The following MRRF variants were observed in gnomAD, a reference collection of about 807,000 sequenced individuals.
MRRF encodes ribosome-recycling factor, mitochondrial.
Under a neutral mutation model 25.1 loss-of-function variants are expected in MRRF, and 18 were observed. That is an observed-to-expected ratio of 0.72 (90% confidence interval 0.50 to 1.06). MRRF has a LOEUF of 1.06. MRRF is among the 50% of genes least tolerant of loss of function. MRRF has a pLI of 0.00. For synonymous variants in MRRF, 113 were observed against 112.1 expected (o/e 1.01, Z -0.05); for missense variants, 323 against 319.3 (o/e 1.01, Z -0.09).
chr9:122,305,410 CAAAAA>C (rs371802454), intron 5 of MRRF, among the ~76,000 whole-genome samples: 2 of 65,756 alleles, frequency 3.0e-5, no homozygotes, highest in East Asian at 4.9e-4. Context: ...AGACTCATCT[CAAAAA>C]AAAAAAAAAA....
rs1836152415 is a variant in MRRF, at chr9:122,326,686, A to G, written c.*4069A>G. The G allele has an allele frequency of 6.6e-6, 1 of 152,132 alleles. No individual in the cohort carries two copies. Among genetic ancestry groups the G allele is most frequent in the Non-Finnish European group, 1.5e-5 (1 of 68,008 alleles). The allele number at this position is 152,132 out of a possible 1,614,324, so 9.4% of individuals were successfully genotyped here. A position where few individuals can be genotyped will look rare whatever the true frequency, so the allele number is the denominator to read the frequency against. ...AAAGAAAGGCCCCTATTCTAAGATT[A>G]TCTGATAAGGTCTGCTCTTTCTCCT... On this transcript the variant is annotated 3_prime_UTR_variant, in exon 7 of 7. Coordinates refer to ENST00000344641, the MANE Select transcript of MRRF (RefSeq NM_138777.5).
chr9:122,289,380 G>GC (rs1449697965), intron 4 of MRRF, among the ~76,000 whole-genome samples: 2 of 152,166 alleles, frequency 1.3e-5, no homozygotes, highest in African/African-American at 4.8e-5. Context: ...CATAGTTCCT[G>GC]CCCAGCTTGG....
At chr9:122,265,688 G>A in intron 1 of MRRF, 1 of 1,086,924 alleles carries the variant, frequency 9.2e-7, no homozygotes, top group Middle Eastern at 2.3e-4. Flanking sequence ...AAATCACTTG[G>A]TACAAGTCAC....
rs116049164 is a variant in MRRF, at chr9:122,296,290, G to T, written c.551+4450G>T. ...TTAGATAAGTTAGTCAACTGGATTG[G>T]TTTTTTTGGGACATTCCTGTTAATG... On this transcript the variant is annotated intron_variant, in intron 5 of 6. Coordinates refer to ENST00000344641, the MANE Select transcript of MRRF (RefSeq NM_138777.5). Among the ~76,000 whole-genome samples the T allele has an allele frequency of 7.7e-3, 1,170 of 152,198 alleles. 10 individuals are homozygous for T. Among genetic ancestry groups the T allele is most frequent in the African/African-American group, 0.027 (1,128 of 41,532 alleles).
intron 6 of MRRF, among the ~76,000 whole-genome samples, chr9:122,316,696 T>C (rs934811734): frequency 6.6e-6 from 1 of 152,068 alleles, no homozygotes; most frequent in Non-Finnish European, 1.5e-5. Flanking sequence ...GTTTTAAAAT[T>C]TTGTTTACTT....
At chr9:122,270,236 G>T (rs1832365842) in intron 1 of MRRF, among the ~76,000 whole-genome samples, 3 of 152,230 alleles carry the variant, frequency 2.0e-5, no homozygotes, top group Non-Finnish European at 4.4e-5. Flanking sequence ...CATGGTCAAA[G>T]ACCTCAGATG....
At chr9:122,299,340 C>G (rs1347983619) in intron 5 of MRRF, among the ~76,000 whole-genome samples, 1 of 151,840 alleles carries the variant, frequency 6.6e-6, no homozygotes, top group African/African-American at 2.4e-5. Flanking sequence ...GTCTCGAACT[C>G]CTGACCTCAA....
chr9:122,306,682 A>AT (rs1834868820), intron 5 of MRRF, among the ~76,000 whole-genome samples: 3 of 152,160 alleles, frequency 2.0e-5, no homozygotes, highest in Admixed American at 2.0e-4. Context: ...GCTTTTTCGC[A>AT]TGTATGATGG....
chr9:122,305,649 G>A (rs1489248266), intron 5 of MRRF, among the ~76,000 whole-genome samples: 2 of 152,188 alleles, frequency 1.3e-5, no homozygotes, highest in African/African-American at 4.8e-5. Flanking sequence ...GGGGTCAGGT[G>A]GCTGGGCAAA....
At chr9:122,302,319 C>T (rs147531234) in intron 5 of MRRF, among the ~76,000 whole-genome samples, 153 of 152,294 alleles carry the variant, frequency 1.0e-3, no homozygotes, top group South Asian at 3.1e-3. Context: ...CAAAAAGACA[C>T]TCTACCCACC....
chr9:122,295,913 CA>C (rs1481482707), intron 5 of MRRF, among the ~76,000 whole-genome samples: 2 of 152,194 alleles, frequency 1.3e-5, no homozygotes, highest in Non-Finnish European at 2.9e-5. Context: ...AAGCAGATCT[CA>C]CCTATTACCT....
At position 122,328,558 on chromosome 9, in the gene MRRF, CCTTT is replaced by C. The variant is rs919953597; in HGVS notation, c.*5944_*5947del. The C allele has an allele frequency of 3.9e-5, 6 of 152,128 alleles. No homozygotes were observed. The highest frequency in any genetic ancestry group is 1.4e-4 in the African/African-American group (6 of 41,422). 9.4% of individuals were successfully genotyped at this position (152,128 alleles called of 1,614,324 possible). A position where few individuals can be genotyped will look rare whatever the true frequency, so the allele number is the denominator to read the frequency against. ...CATATTGTAGCATGTATCAGAATTT[CCTTT>C]CTAAGGCTGAGTAATCTGTTGTATA... On this transcript the variant is annotated 3_prime_UTR_variant, in exon 7 of 7. Coordinates refer to ENST00000344641, the MANE Select transcript of MRRF (RefSeq NM_138777.5).
At chr9:122,278,907 T>G (rs1055868339) in intron 2 of MRRF, among the ~76,000 whole-genome samples, 1 of 152,280 alleles carries the variant, frequency 6.6e-6, no homozygotes, top group Middle Eastern at 3.4e-3. Context: ...TTCTTTGATC[T>G]GTCGCCCAGG....
At position 122,291,777 on chromosome 9, in the gene MRRF, G is replaced by T. The variant is rs767008991; in HGVS notation, c.488G>T (p.Arg163Ile). The change falls in exon 5 of 7, where the codon AGA (arginine) becomes ATA (isoleucine). Residue 163 changes from arginine to isoleucine, a missense_variant. Coordinates refer to ENST00000344641, the MANE Select transcript of MRRF (RefSeq NM_138777.5). ...ECTAAAIKAI[R>I]ESGMNLNPEV... The stretch of plus-strand genomic sequence containing the variant: ...ACAGCTGCAGCTATCAAGGCTATAA[G>T]AGAAAGTGGAATGAATCTGAACCCA... 3 of 1,613,686 alleles carry T rather than the reference G, an allele frequency of 1.9e-6. No individual in the cohort carries two copies. Among genetic ancestry groups the T allele is most frequent in the Non-Finnish European group, 2.5e-6 (3 of 1,179,678 alleles).
chr9:122,301,981 T>A (rs983443378), intron 5 of MRRF, among the ~76,000 whole-genome samples: 1 of 151,740 alleles, frequency 6.6e-6, no homozygotes, highest in African/African-American at 2.4e-5. Flanking sequence ...TGGCCTCACG[T>A]GATCCACCTG....
chr9:122,272,796 A>G (rs529104750), intron 2 of MRRF, among the ~76,000 whole-genome samples: 20 of 152,256 alleles, frequency 1.3e-4, no homozygotes, highest in Non-Finnish European at 2.4e-4. Flanking sequence ...ATACCCGTCT[A>G]TTGCAAGGTA....
chr9:122,271,615 A>G (rs994017037), intron 2 of MRRF, among the ~76,000 whole-genome samples: 3 of 152,168 alleles, frequency 2.0e-5, no homozygotes, highest in Non-Finnish European at 4.4e-5. Context: ...TGTTGCCTGC[A>G]CTCGTGCATT....
At chr9:122,286,416 T>C (rs1264132545) in intron 4 of MRRF, among the ~76,000 whole-genome samples, 2 of 152,134 alleles carry the variant, frequency 1.3e-5, no homozygotes, top group Non-Finnish European at 2.9e-5. Context: ...TTGAAAAATA[T>C]ATATTGTGCC....
At chr9:122,285,707 C>G in intron 4 of MRRF, 1 of 1,171,814 alleles carries the variant, frequency 8.5e-7, no homozygotes, top group Non-Finnish European at 1.1e-6. Context: ...CCAGAAGAAG[C>G]TAGTAACACA....
Sources: gnomAD v4.1 joint callset for allele counts (sites outside exome capture counted in the v4.1 genomes callset) on GRCh38, gnomAD v4.1.1 for gene constraint, MANE v1.5 for transcripts, NCBI Gene and HGNC (gene_info 2026-07-23, HGNC 2026-07-21) for gene names.